DOCK5: variants seen among roughly 807,000 people sequenced by gnomAD.
DOCK5 encodes the protein dedicator of cytokinesis protein 5.
Under a neutral mutation model 251.8 loss-of-function variants are expected in DOCK5, and 142 were observed. That is an observed-to-expected ratio of 0.56 (90% CI 0.49 to 0.65). DOCK5 has a LOEUF of 0.65. Among genes scored for constraint, DOCK5 ranks in the 30% least tolerant of loss-of-function variants. DOCK5 has a pLI of 0.00. For missense variants in DOCK5, 2,111 were observed against 2,312.3 expected, an observed-to-expected ratio of 0.91 and a Z score of 1.79; for synonymous variants, 842 against 835.5, an observed-to-expected ratio of 1.01 and a Z score of -0.13.
In DOCK5 at chr8:25,410,199, T is replaced by C. The variant is rs1310284339; in HGVS notation, c.5505T>C (p.Thr1835=). ...ATGAAGGCAGCCAGAGGAACTCCACTGAGGTAGGGAAATCACAGCTGGCAA... is the reference window on the plus strand; with the variant it reads ...ATGAAGGCAGCCAGAGGAACTCCACCGAGGTAGGGAAATCACAGCTGGCAA... The part of the protein sequence containing the change: ...KPYEGSQRNS[T]ELAPPLPVRR... Residue 1835 remains threonine, a synonymous_variant, in exon 51 of 52, where the codon ACT becomes ACC. Coordinates refer to ENST00000276440, the MANE Select transcript of DOCK5 (RefSeq NM_024940.8). The C allele has an allele frequency of 1.9e-6, 3 of 1,613,034 alleles. No individual in the cohort carries two copies. In the South Asian group the frequency reaches 3.3e-5, roughly 18 times the overall value.
intron 44 of DOCK5, among the ~76,000 whole-genome samples, chr8:25,393,487 T>C (rs1801295986): frequency 6.6e-6 from 1 of 152,192 alleles, no homozygotes. Context: ...GTATAAAGCC[T>C]GTCCTCCTTA....
Position 25,310,460 on chromosome 8 carries a change from A to T in DOCK5, c.1246A>T (p.Asn416Tyr), listed in dbSNP as rs778790014. 13 of 1,613,726 alleles carry T rather than the reference A, an allele frequency of 8.1e-6. No individual in the cohort carries two copies. The highest frequency in any genetic ancestry group is 1.3e-5 in the African/African-American group (1 of 74,918). The change falls in exon 13 of 52, where the codon AAT becomes TAT. Residue 416 changes from asparagine to tyrosine, a missense_variant. This residue lies in a region of DOCK5 where 1,717 missense variants were observed against 1,892.4 expected (regional missense o/e 0.91). Transcript: ENST00000276440. ...LPGDLTQVQK[N>Y]FSHLVDRSTA... ...CGGTGACCTCACCCAGGTTCAGAAGAATTTTTCACACTTGGTTGATAGATC... is the reference window on the plus strand; with the variant it reads ...CGGTGACCTCACCCAGGTTCAGAAGTATTTTTCACACTTGGTTGATAGATC...
Position 25,391,968 on chromosome 8 carries a change from C to A in DOCK5, c.4428C>A (p.Asp1476Glu). Residue 1476 changes from aspartate to glutamate, a missense_variant, in exon 43 of 52, where the codon GAC (aspartate) becomes GAA (glutamate). Transcript: ENST00000276440. Reference protein sequence around the residue: ...RPFRKGEKDPDNEFATMWIER... With the variant: ...RPFRKGEKDPENEFATMWIER... ...TCCGGAAAGGAGAAAAGGATCCAGA[C>A]AATGAATTTGCTGTGAGTTCACCCC... 6.2e-7 allele frequency: 1 copy of A among 1,613,732 alleles called. No individual in the cohort carries two copies. The highest frequency in any genetic ancestry group is 8.5e-7 in the Non-Finnish European group (1 of 1,179,766).
intron 5 of DOCK5, among the ~76,000 whole-genome samples, chr8:25,286,995 C>G (rs1264340784): frequency 6.6e-6 from 1 of 152,178 alleles, no homozygotes; most frequent in Non-Finnish European, 1.5e-5. Context: ...GGTCTGCATT[C>G]TTTGGGAAAA....
intron 5 of DOCK5, among the ~76,000 whole-genome samples, chr8:25,290,099 T>G (rs1445255907): frequency 6.6e-6 from 1 of 152,180 alleles, no homozygotes; most frequent in Non-Finnish European, 1.5e-5. Flanking sequence ...ATTTACTTTC[T>G]TATTGCTGTC....
chr8:25,358,528 C>T (rs1004939798), intron 27 of DOCK5, among the ~76,000 whole-genome samples: 1 of 152,170 alleles, frequency 6.6e-6, no homozygotes, highest in Non-Finnish European at 1.5e-5. Flanking sequence ...GCTTGCCCTC[C>T]TCTCCTTCAT....
rs1586339867 is a variant in DOCK5 at position 25,336,231 on chromosome 8, C to T, written c.2193-8C>T. The T allele has an allele frequency of 2.1e-5, 33 of 1,606,938 alleles. No homozygotes were observed. In the East Asian group the frequency reaches 7.2e-4, roughly 35 times the overall value. Reference sequence around the variant, plus strand: ...ATTGGCTTAATTTTTCTTTCTCATTCTTCTAAGGAAACTCTCCAAGGTACT... The same window carrying T: ...ATTGGCTTAATTTTTCTTTCTCATTTTTCTAAGGAAACTCTCCAAGGTACT... On this transcript the variant is annotated splice_region_variant and splice_polypyrimidine_tract_variant and intron_variant, in intron 21 of 51. Coordinates refer to ENST00000276440, the MANE Select transcript of DOCK5 (RefSeq NM_024940.8).
intron 20 of DOCK5, among the ~76,000 whole-genome samples, chr8:25,333,261 T>A (rs1805725695): frequency 6.6e-6 from 1 of 152,202 alleles, no homozygotes; most frequent in Non-Finnish European, 1.5e-5. Context: ...CGTTTTCACC[T>A]TGGTGGGGTG....
At chr8:25,366,627 A>G (rs1037090120) in intron 30 of DOCK5, among the ~76,000 whole-genome samples, 1 of 152,230 alleles carries the variant, frequency 6.6e-6, no homozygotes, top group Non-Finnish European at 1.5e-5. Flanking sequence ...ACTTCTTGGC[A>G]GCAGTTTTCC....
chr8:25,358,401 C>T (rs1167848959), intron 27 of DOCK5, among the ~76,000 whole-genome samples: 1 of 152,160 alleles, frequency 6.6e-6, no homozygotes, highest in African/African-American at 2.4e-5. Context: ...TTACCTCCCA[C>T]TGGGCCCCTC....
chr8:25,326,140 T>C (rs1169773896), intron 18 of DOCK5, among the ~76,000 whole-genome samples: 1 of 152,210 alleles, frequency 6.6e-6, no homozygotes, highest in Non-Finnish European at 1.5e-5. Flanking sequence ...TGCTAGCCAA[T>C]ATCAACTTCT....
At chr8:25,396,109 G>A (rs950675014) in intron 45 of DOCK5, among the ~76,000 whole-genome samples, 17 of 152,172 alleles carry the variant, frequency 1.1e-4, no homozygotes, top group Non-Finnish European at 2.9e-5. Context: ...GCCAGGTGTA[G>A]TGGTTCACAC....
At position 25,309,107 on chromosome 8, in the gene DOCK5, C is replaced by T. The variant is rs919270578; in HGVS notation, c.1192+182C>T. On this transcript the variant is annotated intron_variant, in intron 12 of 51. Coordinates refer to ENST00000276440, the MANE Select transcript of DOCK5 (RefSeq NM_024940.8). The stretch of plus-strand genomic sequence containing the variant: ...CTGAACTGCATTGAGATGCACCCAG[C>T]GGTGATTTGATCACAGTTGTGTTTT... 7.9e-5 allele frequency among the ~76,000 whole-genome samples: 12 copies of T among 152,308 alleles called. No homozygotes were observed. In the South Asian group the frequency reaches 1.2e-3, roughly 16 times the overall value.
chr8:25,378,726 A>G (rs915974554), intron 38 of DOCK5, among the ~76,000 whole-genome samples: 2 of 152,234 alleles, frequency 1.3e-5, no homozygotes, highest in Non-Finnish European at 2.9e-5. Flanking sequence ...GCATTTCCTA[A>G]AACTCATCCA....
intron 12 of DOCK5, among the ~76,000 whole-genome samples, chr8:25,309,888 C>T (rs1267370452): frequency 6.6e-6 from 1 of 152,006 alleles, no homozygotes; most frequent in Non-Finnish European, 1.5e-5. Context: ...CTATACACTT[C>T]TTTTTTCTTT....
intron 18 of DOCK5, among the ~76,000 whole-genome samples, chr8:25,329,197 C>T (rs895327627): frequency 2.0e-5 from 3 of 152,088 alleles, no homozygotes; most frequent in Non-Finnish European, 2.9e-5. Flanking sequence ...TCTTGCTTCT[C>T]TTTATAGTTT....
intron 26 of DOCK5, among the ~76,000 whole-genome samples, chr8:25,351,084 G>A (rs1800458500): frequency 6.6e-6 from 1 of 151,754 alleles, no homozygotes; most frequent in African/African-American, 2.4e-5. Context: ...TTGAGATGGA[G>A]TCTGGCTCTG....
At chr8:25,407,468 C>T (rs978027073) in intron 48 of DOCK5, among the ~76,000 whole-genome samples, 8 of 152,126 alleles carry the variant, frequency 5.3e-5, no homozygotes, top group African/African-American at 1.4e-4. Context: ...CTAATATTTT[C>T]GTCCAGTCGT....
intron 42 of DOCK5, 146 bp downstream of exon 42, chr8:25,390,433 G>C: frequency 1.5e-6 from 1 of 658,032 alleles, no homozygotes; most frequent in Non-Finnish European, 2.5e-6. Flanking sequence ...AAAGTGGGAT[G>C]CTGTCTCTAC....
Sources: allele counts gnomAD v4.1 joint callset (sites outside exome capture counted in the v4.1 genomes callset), GRCh38; gene constraint gnomAD v4.1.1; regional missense constraint gnomAD v4.1.1; transcripts MANE v1.5; gene names NCBI Gene and HGNC (gene_info 2026-07-23, HGNC 2026-07-21).